BANP: variants seen among roughly 807,000 people sequenced by gnomAD.
BANP encodes the protein BTG3 associated nuclear protein.
BANP carries 11 observed loss-of-function variants against 68.1 expected under a neutral mutation model. The ratio of observed to expected loss-of-function variants is 0.16; its 90% confidence interval spans 0.10 to 0.27. BANP has a LOEUF of 0.27. BANP is among the 10% of genes least tolerant of loss of function. The pLI is 1.00. For missense variants in BANP, 504 were observed against 722.7 expected, an observed-to-expected ratio of 0.70 and a Z score of 3.47; for synonymous variants, 329 against 303.2, an observed-to-expected ratio of 1.09 and a Z score of -0.88.
chr16:88,062,333 C>T (rs1599021678), intron 11 of BANP, among the ~76,000 whole-genome samples: 1 of 152,302 alleles, frequency 6.6e-6, no homozygotes, highest in South Asian at 2.1e-4. Context: ...AGCATGATCT[C>T]AGTTGGACAT....
chr16:88,039,655 A>G (rs1413173956), intron 11 of BANP, among the ~76,000 whole-genome samples: 2 of 142,278 alleles, frequency 1.4e-5, no homozygotes, highest in East Asian at 2.1e-4. Context: ...AATTCTCCCA[A>G]CTTTATTGTG....
intron 11 of BANP, among the ~76,000 whole-genome samples, chr16:88,053,608 A>G (rs2083969646): frequency 6.9e-6 from 1 of 144,448 alleles, no homozygotes; most frequent in Non-Finnish European, 1.5e-5. Context: ...AACCACCCTA[A>G]CGACTACCAC....
At chr16:88,006,004 G>T in intron 5 of BANP, 86 bp from the exon 6 acceptor site, 1 of 1,544,928 alleles carries the variant, frequency 6.5e-7, no homozygotes, top group South Asian at 1.1e-5. Context: ...CACAGAGTTA[G>T]ATTTTGCGAT....
intron 7 of BANP, among the ~76,000 whole-genome samples, chr16:88,025,933 T>A (rs752007079): frequency 5.3e-5 from 8 of 152,238 alleles, no homozygotes; most frequent in Non-Finnish European, 1.0e-4. Flanking sequence ...GAGAGGCCAC[T>A]GCATTGAAGA....
In BANP at chr16:88,076,776, C is replaced by A. The variant is rs550082439; in HGVS notation, c.*115C>A. The A allele has an allele frequency of 9.7e-6, 8 of 826,428 alleles. No individual in the cohort carries two copies. Among genetic ancestry groups the A allele is most frequent in the South Asian group, 9.0e-5 (5 of 55,718 alleles). The allele number at this position is 826,428 out of a possible 1,614,324, so 51.2% of individuals were successfully genotyped here. A position where few individuals can be genotyped will look rare whatever the true frequency, so the allele number is the denominator to read the frequency against. On this transcript the variant is annotated 3_prime_UTR_variant, in exon 14 of 14. Transcript: ENST00000682872. ...CGGCTGCACGTGTTCTGCTGAAGTG[C>A]GTCTGAAGGCCGCTGCCTCCGCGGG...
intron 4 of BANP, among the ~76,000 whole-genome samples, chr16:87,988,421 G>T (rs996861905): frequency 3.3e-5 from 5 of 151,704 alleles, no homozygotes; most frequent in African/African-American, 1.2e-4. Flanking sequence ...AGGCCACCAC[G>T]CCTGGCTAAT....
At chr16:87,977,230 C>T (rs1004739698) in intron 2 of BANP, among the ~76,000 whole-genome samples, 4 of 152,088 alleles carry the variant, frequency 2.6e-5, no homozygotes, top group South Asian at 2.1e-4. Context: ...CTGGCAAACA[C>T]GGTGAAGTCT....
rs529845290 is a variant in BANP at position 88,072,499 on chromosome 16, C to A, written c.1521+287C>A. Among the ~76,000 whole-genome samples the A allele has an allele frequency of 5.2e-5, 8 of 152,384 alleles. 1 individual carries two copies. The East Asian group carries it at 1.4e-3, about 26-fold the overall frequency. ...AGTGAAGCTCTGCCCTGTCCTCCCT[C>A]CACACAGCCCTTTCCTGTGGGCTGG... On this transcript the variant is annotated intron_variant, in intron 13 of 13. Coordinates refer to ENST00000682872, the MANE Select transcript of BANP (RefSeq NM_001386991.1).
At chr16:87,953,517 G>C (rs2064528904) in intron 1 of BANP, among the ~76,000 whole-genome samples, 1 of 152,136 alleles carries the variant, frequency 6.6e-6, no homozygotes, top group African/African-American at 2.4e-5. Flanking sequence ...CTGATATTTT[G>C]TATTACACAG....
intron 11 of BANP, among the ~76,000 whole-genome samples, chr16:88,063,756 A>G (rs2087607027): frequency 1.3e-5 from 2 of 152,194 alleles, no homozygotes; most frequent in African/African-American, 4.8e-5. Context: ...CAGCATTGCC[A>G]GTGACAAGAC....
Position 88,033,265 on chromosome 16 carries a change from C to T in BANP, c.1200+20C>T. ...CAAGTAGTACGTACCCTCTCCACCT[C>T]ACACCTTGGGAAAGGGGGCTGCGGG... is the stretch of plus-strand genomic sequence containing the variant. On this transcript the variant is annotated intron_variant, in intron 9 of 13. Transcript: ENST00000682872. 6.5e-7 allele frequency: 1 copy of T among 1,539,390 alleles called. No homozygotes were observed.
chr16:88,070,864 T>C (rs2090126991), intron 12 of BANP, among the ~76,000 whole-genome samples: 1 of 152,258 alleles, frequency 6.6e-6, no homozygotes, highest in Admixed American at 6.5e-5. Flanking sequence ...CTAACCTCAA[T>C]GTAGAGTGAA....
intron 5 of BANP, among the ~76,000 whole-genome samples, chr16:88,005,667 G>A (rs538077172): frequency 2.6e-5 from 4 of 152,198 alleles, no homozygotes; most frequent in Non-Finnish European, 5.9e-5. Context: ...GCGAGGGGGA[G>A]CCATCTCCAG....
chr16:88,053,140 A>G (rs1372752969), intron 11 of BANP, among the ~76,000 whole-genome samples: 1 of 151,780 alleles, frequency 6.6e-6, no homozygotes, highest in Non-Finnish European at 1.5e-5. Flanking sequence ...CTCCATCATC[A>G]TCATCACCAA....
chr16:88,006,874 C>T (rs2071332511), intron 6 of BANP, among the ~76,000 whole-genome samples: 1 of 147,596 alleles, frequency 6.8e-6, no homozygotes, highest in Admixed American at 6.9e-5. Context: ...ATTGCTTGAA[C>T]CTGGGTGGCA....
intron 8 of BANP, among the ~76,000 whole-genome samples, chr16:88,031,716 T>A (rs2078214041): frequency 6.6e-6 from 1 of 151,654 alleles, no homozygotes; most frequent in African/African-American, 2.4e-5. Flanking sequence ...GGAATCTAGG[T>A]ACTATGGCAA....
chr16:87,973,324 T>C (rs1427415732), intron 1 of BANP, among the ~76,000 whole-genome samples: 6 of 152,110 alleles, frequency 3.9e-5, no homozygotes, highest in African/African-American at 1.4e-4. Flanking sequence ...TGTAAAGTTA[T>C]AATGTGGGAA....
chr16:87,953,249 C>T (rs2057343412), intron 1 of BANP, among the ~76,000 whole-genome samples: 1 of 152,040 alleles, frequency 6.6e-6, no homozygotes. Flanking sequence ...ACAATAGGAA[C>T]GTCAATGAAA....
At chr16:87,983,955 G>C (rs1310135790) in intron 3 of BANP, 105 bp from the exon 4 acceptor site, 2 of 1,421,598 alleles carry the variant, frequency 1.4e-6, no homozygotes, top group African/African-American at 2.9e-5. Flanking sequence ...TGTTCTGTCT[G>C]AATAGATAGA....
Sources: gnomAD v4.1 joint callset for allele counts (sites outside exome capture counted in the v4.1 genomes callset) on GRCh38, gnomAD v4.1.1 for gene constraint, MANE v1.5 for transcripts, NCBI Gene and HGNC (gene_info 2026-07-23, HGNC 2026-07-21) for gene names.